The following DLG2 variants were observed in gnomAD, a reference collection of about 807,000 sequenced individuals.
DLG2 encodes the protein discs large MAGUK scaffold protein 2, also known as disks large homolog 2.
Under a neutral mutation model 132.5 loss-of-function variants are expected in DLG2, and 45 were observed. That is an observed-to-expected ratio of 0.34 (90% CI 0.27 to 0.44). The LOEUF is 0.44. DLG2 is among the 20% of genes least tolerant of loss of function. The probability of loss-of-function intolerance (pLI) is 1.00; values close to 1 mark genes in which losing one functional copy is unlikely to be tolerated. For synonymous variants in DLG2, 424 were observed against 419.6 expected (o/e 1.01, Z -0.13); for missense variants, 1,045 against 1,196.9 (o/e 0.87, Z 1.87).
chr11:85,622,488 G>A (rs544381197), intron 2 of DLG2, among the ~76,000 whole-genome samples: 3 of 151,886 alleles, frequency 2.0e-5, no homozygotes, highest in South Asian at 2.1e-4. Flanking sequence ...GAGTATACCC[G>A]ATAACAAAAA....
At chr11:85,319,528 T>C (rs1260234782) in intron 3 of DLG2, among the ~76,000 whole-genome samples, 1 of 151,892 alleles carries the variant, frequency 6.6e-6, no homozygotes, top group Non-Finnish European at 1.5e-5. Flanking sequence ...CTATCCTCTA[T>C]ATCTTGAAGA....
intron 6 of DLG2, among the ~76,000 whole-genome samples, chr11:85,077,230 G>A (rs2154169937): frequency 6.6e-6 from 1 of 152,094 alleles, no homozygotes; most frequent in East Asian, 1.9e-4. Flanking sequence ...GAAAAAAGGT[G>A]TTGTGGTTAG....
At chr11:85,458,481 T>C (rs1338539398) in intron 3 of DLG2, among the ~76,000 whole-genome samples, 2 of 152,188 alleles carry the variant, frequency 1.3e-5, no homozygotes, top group African/African-American at 4.8e-5. Flanking sequence ...GGGGAACTAG[T>C]GAGGTCATTT....
chr11:84,015,227 T>C (rs2095110419), intron 11 of DLG2, among the ~76,000 whole-genome samples: 1 of 152,142 alleles, frequency 6.6e-6, no homozygotes, highest in South Asian at 2.1e-4. Context: ...TAATTATTAG[T>C]TGATCACTAA....
intron 15 of DLG2, among the ~76,000 whole-genome samples, chr11:83,882,885 A>G (rs966606519): frequency 6.6e-6 from 1 of 152,166 alleles, no homozygotes; most frequent in Admixed American, 6.5e-5. Context: ...ATAAAGGAGA[A>G]TTAGGTTAAG....
At chr11:84,394,161 G>A (rs2098802957) in intron 7 of DLG2, among the ~76,000 whole-genome samples, 2 of 152,146 alleles carry the variant, frequency 1.3e-5, no homozygotes, top group African/African-American at 4.8e-5. Flanking sequence ...ATAGGCATGA[G>A]CCACTGCACC....
intron 3 of DLG2, among the ~76,000 whole-genome samples, chr11:85,580,176 G>C (rs1162025385): frequency 6.6e-6 from 1 of 152,056 alleles, no homozygotes; most frequent in Non-Finnish European, 1.5e-5. Context: ...TAATTGTGAG[G>C]CCTCCCCAGC....
intron 12 of DLG2, among the ~76,000 whole-genome samples, chr11:83,979,007 C>T (rs1305548124): frequency 6.6e-6 from 1 of 151,898 alleles, no homozygotes; most frequent in Non-Finnish European, 1.5e-5. Flanking sequence ...TTCTTTTTTG[C>T]TTATATAAAA....
At chr11:84,348,472 T>A (rs1231505138) in intron 7 of DLG2, among the ~76,000 whole-genome samples, 1 of 152,190 alleles carries the variant, frequency 6.6e-6, no homozygotes, top group Non-Finnish European at 1.5e-5. Flanking sequence ...AAGAGTAATA[T>A]TCAGGGATCT....
In DLG2 at chr11:85,458,374, G is replaced by A. The variant is rs374686381; in HGVS notation, c.40+140283C>T. On this transcript the variant is annotated intron_variant, in intron 3 of 27. Coordinates refer to ENST00000376104, the MANE Select transcript of DLG2 (RefSeq NM_001142699.3). Reference sequence around the variant, plus strand: ...CCTTAGCTTTCTTGCACTGGACTTTGACATTGTTTTCAACCTCAATGATCT... The same window carrying A: ...CCTTAGCTTTCTTGCACTGGACTTTAACATTGTTTTCAACCTCAATGATCT... Among the ~76,000 whole-genome samples, 20 of 152,070 alleles carry A rather than the reference G, an allele frequency of 1.3e-4. No individual in the cohort carries two copies. In the South Asian group the frequency reaches 4.0e-3, roughly 30 times the overall value.
intron 3 of DLG2, among the ~76,000 whole-genome samples, chr11:85,324,586 T>C (rs1235788970): frequency 6.6e-6 from 1 of 152,214 alleles, no homozygotes; most frequent in Non-Finnish European, 1.5e-5. Flanking sequence ...TAGATTTTTA[T>C]AAACATTGCT....
intron 16 of DLG2, among the ~76,000 whole-genome samples, chr11:83,857,535 C>A (rs2060729734): frequency 6.6e-6 from 1 of 152,138 alleles, no homozygotes; most frequent in Non-Finnish European, 1.5e-5. Flanking sequence ...GACACATAAT[C>A]ATCAGAATCT....
chr11:84,606,524 T>C (rs1184340727), intron 6 of DLG2, among the ~76,000 whole-genome samples: 1 of 152,162 alleles, frequency 6.6e-6, no homozygotes, highest in Non-Finnish European at 1.5e-5. Context: ...ATAGCTTTAT[T>C]TCCATCTTTC....
intron 6 of DLG2, among the ~76,000 whole-genome samples, chr11:84,817,866 A>G (rs1354765076): frequency 6.6e-6 from 1 of 151,926 alleles, no homozygotes; most frequent in Non-Finnish European, 1.5e-5. Flanking sequence ...TAATACAAGT[A>G]AATCTGTGAT....
chr11:83,487,298 TC>T (rs1565432731), intron 21 of DLG2, among the ~76,000 whole-genome samples: 1 of 146,834 alleles, frequency 6.8e-6, no homozygotes, highest in African/African-American at 2.6e-5. Flanking sequence ...AATGTTGAGT[TC>T]TAACTATTAA....
chr11:85,516,399 G>T (rs372018528), intron 3 of DLG2, among the ~76,000 whole-genome samples: 1 of 151,960 alleles, frequency 6.6e-6, no homozygotes, highest in Non-Finnish European at 1.5e-5. Flanking sequence ...AGAAGAATAA[G>T]AGGGAACCAA....
At chr11:84,011,794 A>C (rs2154065402) in intron 11 of DLG2, among the ~76,000 whole-genome samples, 1 of 152,260 alleles carries the variant, frequency 6.6e-6, no homozygotes, top group Admixed American at 6.5e-5. Flanking sequence ...AGAGAGTTAA[A>C]ACCTTGGCAC....
At position 85,183,216 on chromosome 11, in the gene DLG2, T is replaced by C. The variant is rs1475346726; in HGVS notation, c.187-28565A>G. On this transcript the variant is annotated intron_variant, in intron 4 of 27. Coordinates refer to ENST00000376104, the MANE Select transcript of DLG2 (RefSeq NM_001142699.3). ...AATCAGCTTTGGGCACCTAAATCCC[T>C]CTTTGTTTTTCTGCTGGAACAGTAG... is the stretch of plus-strand genomic sequence containing the variant. Among the ~76,000 whole-genome samples the C allele has an allele frequency of 2.6e-5, 4 of 151,886 alleles. No individual in the cohort carries two copies. In the East Asian group the frequency reaches 7.7e-4, roughly 29 times the overall value.
chr11:83,571,425 G>A (rs777499842), intron 19 of DLG2, among the ~76,000 whole-genome samples: 4 of 151,156 alleles, frequency 2.6e-5, no homozygotes, highest in Middle Eastern at 3.2e-3. Flanking sequence ...GTTGTCCATC[G>A]CTGTTAAGAT....
Sources: allele counts gnomAD v4.1 joint callset (sites outside exome capture counted in the v4.1 genomes callset), GRCh38; gene constraint gnomAD v4.1.1; transcripts MANE v1.5; gene names NCBI Gene and HGNC (gene_info 2026-07-23, HGNC 2026-07-21).